ARMCX4: variants seen among roughly 807,000 people sequenced by gnomAD.
ARMCX4 encodes the protein armadillo repeat-containing X-linked protein 4.
In ARMCX4, 3 loss-of-function variants were observed where a neutral mutation model predicts 34.7. That is an observed-to-expected ratio of 0.09 (90% CI 0.04 to 0.22). The LOEUF is 0.22. Among genes scored for constraint, ARMCX4 ranks in the 10% least tolerant of loss-of-function variants. ARMCX4 has a pLI of 1.00. For synonymous variants in ARMCX4, 513 were observed against 632.8 expected (o/e 0.81, Z 2.84); for missense variants, 1,448 against 1,720.8 (o/e 0.84, Z 2.81).
At position 101,471,596 on chromosome X, in the gene ARMCX4, G is replaced by A. The variant is rs12008343; in HGVS notation, c.-472-14427G>A. Among the ~76,000 whole-genome samples the A allele has an allele frequency of 3.3e-3, 368 of 111,913 alleles. 3 individuals are homozygous for A. The highest frequency in any genetic ancestry group is 5.4e-3 in the Non-Finnish European group (288 of 53,190). ...AAGAGAGCAGTGGTTCTCCCAGCAC[G>A]CAGCTGGAGATTTGAGAACGGGCAG... On this transcript the variant is annotated intron_variant and NMD_transcript_variant, in intron 4 of 15. Coordinates refer to the ARMCX4 transcript ENST00000433011.
At chrX:101,428,457 G>A (rs1313411356) in intron 2 of ARMCX4, among the ~76,000 whole-genome samples, 2 of 112,328 alleles carry the variant, frequency 1.8e-5, no homozygotes, top group Non-Finnish European at 3.8e-5. Flanking sequence ...TTACACCAGT[G>A]TATACATATC....
At chrX:101,528,237 T>C (rs190671977) in intron 11 of ARMCX4, among the ~76,000 whole-genome samples, 130 of 111,909 alleles carry the variant, frequency 1.2e-3, no homozygotes, top group African/African-American at 3.9e-3. Flanking sequence ...AAAAACCACA[T>C]GATTATCTTA....
At chrX:101,439,913 T>C (rs1168274109) in intron 2 of ARMCX4, among the ~76,000 whole-genome samples, 3 of 111,798 alleles carry the variant, frequency 2.7e-5, no homozygotes, top group Non-Finnish European at 5.6e-5. Flanking sequence ...TTCTTTGCCA[T>C]GGGTTCAAAC....
rs1285853083 is a variant in ARMCX4 at position 101,494,697 on chromosome X, T to C, written c.6108T>C (p.Ala2036=). 2 of 1,154,018 alleles carry C rather than the reference T, an allele frequency of 1.7e-6. No homozygotes were observed. The highest frequency in any genetic ancestry group is 3.6e-5 in the African/African-American group (2 of 55,685). The part of the protein sequence containing the change: ...RPWSCRCKHE[A]NMDPRDLEKL... ...GGTCTTGCCGCTGTAAACACGAAGC[T>C]AATATGGATCCACGAGATCTTGAAA... Residue 2036 remains alanine, a synonymous_variant, in exon 6 of 6, where the codon GCT becomes GCC. Transcript: ENST00000423738.
chrX:101,522,265 A>T (rs1013174171), intron 11 of ARMCX4, among the ~76,000 whole-genome samples: 28 of 111,527 alleles, frequency 2.5e-4, no homozygotes, highest in Admixed American at 2.4e-3. Context: ...TCTAATAAAA[A>T]TGCTTGTCTT....
chrX:101,512,829 CAT>C (rs200716915), intron 11 of ARMCX4, among the ~76,000 whole-genome samples: 434 of 83,459 alleles, frequency 5.2e-3, no homozygotes, highest in African/African-American at 0.017. Context: ...TATATATACA[CAT>C]ATATATATGT....
chrX:101,534,169 T>TA (rs1935180901), downstream of ARMCX4, among the ~76,000 whole-genome samples: 1 of 111,891 alleles, frequency 8.9e-6, no homozygotes, highest in African/African-American at 3.2e-5. Context: ...ATTGATAACC[T>TA]ACAGTGTGCC....
chrX:101,437,772 T>C (rs1930905463), intron 2 of ARMCX4, among the ~76,000 whole-genome samples: 1 of 112,256 alleles, frequency 8.9e-6, no homozygotes, highest in Non-Finnish European at 1.9e-5. Flanking sequence ...TGCTTTCTCT[T>C]GTGGGAATTT....
chrX:101,432,874 A>ACG (rs1491241180), intron 2 of ARMCX4, among the ~76,000 whole-genome samples: 4 of 77,343 alleles, frequency 5.2e-5, no homozygotes, highest in African/African-American at 9.0e-5. Flanking sequence ...ATATATACAC[A>ACG]TATGTATACG....
Position 101,488,056 on chromosome X carries a change from A to G in ARMCX4, c.-190A>G, listed in dbSNP as rs993062290. The G allele has an allele frequency of 2.1e-5, 20 of 946,556 alleles. No homozygotes were observed. The highest frequency in any genetic ancestry group is 2.5e-5 in the Non-Finnish European group (18 of 732,676). The allele number at this position is 946,556 out of a possible 1,213,427, so 78.0% of individuals were successfully genotyped here. A position where few individuals can be genotyped will look rare whatever the true frequency, so the allele number is the denominator to read the frequency against. ...GTATCTACTTTAGGGTGTACTGCCAAGAGAAGCAAGAGGAGAGGAGGGAAC... is the reference window on the plus strand; with the variant it reads ...GTATCTACTTTAGGGTGTACTGCCAGGAGAAGCAAGAGGAGAGGAGGGAAC... On this transcript the variant is annotated 5_prime_UTR_variant, in exon 5 of 6. Coordinates refer to ENST00000423738, the MANE Select transcript of ARMCX4 (RefSeq NM_001256155.3).
intron 2 of ARMCX4, among the ~76,000 whole-genome samples, chrX:101,437,771 T>C (rs1010090655): frequency 7.1e-5 from 8 of 112,250 alleles, no homozygotes; most frequent in Non-Finnish European, 1.5e-4. Flanking sequence ...CTGCTTTCTC[T>C]TGTGGGAATT....
intron 11 of ARMCX4, among the ~76,000 whole-genome samples, chrX:101,530,743 T>C (rs1556021946): frequency 8.9e-6 from 1 of 111,784 alleles, no homozygotes; most frequent in African/African-American, 3.2e-5. Context: ...AGATGAAGGA[T>C]AGCAAACATA....
chrX:101,445,455 A>G (rs1931568777), intron 3 of ARMCX4, among the ~76,000 whole-genome samples: 1 of 111,819 alleles, frequency 8.9e-6, no homozygotes, highest in Non-Finnish European at 1.9e-5. Flanking sequence ...CACACACATG[A>G]TGTCACCACA....
At chrX:101,468,438 C>T (rs1313100326) in intron 4 of ARMCX4, among the ~76,000 whole-genome samples, 3 of 105,926 alleles carry the variant, frequency 2.8e-5, no homozygotes, top group Non-Finnish European at 5.8e-5. Context: ...ACTATAGGCA[C>T]GCGCCACCAT....
chrX:101,427,777 A>G (rs1265457077), intron 2 of ARMCX4, among the ~76,000 whole-genome samples: 1 of 111,439 alleles, frequency 9.0e-6, no homozygotes, highest in Non-Finnish European at 1.9e-5. Context: ...CTGGCTTTAT[A>G]AAATCCTACT....
In ARMCX4 at chrX:101,492,178, A is replaced by G; in HGVS notation, c.3589A>G (p.Thr1197Ala). ...TGGAGGGCTCTGGGCTGGGGGTCAG[A>G]CTAGTGAGGGGACCTGGGCTGGGGA... ...ASGGLWAGGQ[T>A]SEGTWAGDKA... The change falls in exon 6 of 6, where the codon ACT becomes GCT. Residue 1197 changes from threonine to alanine, a missense_variant. Thr to Ala is a moderately conservative substitution (Grantham distance 58). This residue lies in a region of ARMCX4 where 1,343 missense variants were observed against 1,540.7 expected (regional missense o/e 0.87). Transcript: ENST00000423738. 1.8e-6 allele frequency: 2 copies of G among 1,141,295 alleles called. No individual in the cohort carries two copies. Among genetic ancestry groups the G allele is most frequent in the Non-Finnish European group, 2.3e-6 (2 of 866,256 alleles). 94.1% of individuals were successfully genotyped at this position (1,141,295 alleles called of 1,213,427 possible). A position where few individuals can be genotyped will look rare whatever the true frequency, so the allele number is the denominator to read the frequency against.
intron 11 of ARMCX4, among the ~76,000 whole-genome samples, chrX:101,526,946 A>G (rs1368892556): frequency 1.8e-5 from 2 of 111,889 alleles, no homozygotes; most frequent in Non-Finnish European, 3.8e-5. Flanking sequence ...TAAGAAGGAT[A>G]TCCAGGACTT....
intron 4 of ARMCX4, 80 bp downstream of exon 4, chrX:101,487,771 C>A: frequency 2.2e-6 from 1 of 448,551 alleles, no homozygotes; most frequent in Non-Finnish European, 3.4e-6. Flanking sequence ...GGACCAGTGA[C>A]CAGTCTGGAG....
Position 101,490,589 on chromosome X carries a change from C to T in ARMCX4, c.2000C>T (p.Thr667Ile). ...GAAGTTGGGGAAGGTGCAATGGGCA[C>T]TGCCCAGCTTCAGATTATGGCCAGT... ...KAEVGEGAMG[T>I]AQLQIMASSK... is the part of the protein sequence containing the mutation. Residue 667 changes from threonine to isoleucine, a missense_variant, in exon 6 of 6, where the codon ACT (threonine) becomes ATT (isoleucine). Thr to Ile is a moderately conservative substitution (Grantham distance 89, BLOSUM62 -1). Coordinates refer to ENST00000423738, the MANE Select transcript of ARMCX4 (RefSeq NM_001256155.3). 1.7e-6 allele frequency: 2 copies of T among 1,155,828 alleles called. No individual in the cohort carries two copies. Among genetic ancestry groups the T allele is most frequent in the Non-Finnish European group, 2.3e-6 (2 of 872,808 alleles).
Sources: gnomAD v4.1 joint callset for allele counts (sites outside exome capture counted in the v4.1 genomes callset) on GRCh38, gnomAD v4.1.1 for gene constraint, gnomAD v4.1.1 regional missense constraint, MANE v1.5 for transcripts, NCBI Gene and HGNC (gene_info 2026-07-23, HGNC 2026-07-21) for gene names.